OR1I1: variants seen among roughly 807,000 people sequenced by gnomAD.
OR1I1 encodes olfactory receptor family 1 subfamily I member 1.
For synonymous variants in OR1I1, 171 were observed against 181.4 expected, an observed-to-expected ratio of 0.94 and a Z score of 0.46; for missense variants, 451 against 443.6, an observed-to-expected ratio of 1.02 and a Z score of -0.15.
chr19:15,090,617 A>G lies in OR1I1; in HGVS notation c.*2484A>G, dbSNP rs73008840. ...TTTTTTTCTTTTAGAGACAGACAGG[A>G]TCTACTGTGTCACCCAGGCTGGAGT... is the stretch of plus-strand genomic sequence containing the variant. On this transcript the variant is annotated 3_prime_UTR_variant, in exon 2 of 2. Coordinates refer to ENST00000641398, the MANE Select transcript of OR1I1 (RefSeq NM_001004713.2). 0.14 allele frequency: 21,933 copies of G among 152,060 alleles called. 1,974 individuals carry two copies. The highest frequency in any genetic ancestry group is 0.29 in the South Asian group (1,402 of 4,810). The allele number at this position is 152,060 out of a possible 1,614,324, so 9.4% of individuals were successfully genotyped here. A position where few individuals can be genotyped will look rare whatever the true frequency, so the allele number is the denominator to read the frequency against.
intron 1 of OR1I1, among the ~76,000 whole-genome samples, chr19:15,085,682 C>T (rs1302273081): frequency 6.6e-6 from 1 of 152,018 alleles, no homozygotes; most frequent in Non-Finnish European, 1.5e-5. Flanking sequence ...CAATATCTCC[C>T]TAACACCCAC....
At position 15,087,045 on chromosome 19, in the gene OR1I1, C is replaced by T. The variant is rs1199279028; in HGVS notation, c.-13-8C>T. ...TGTGTGGTTTTTCTCCCTTTTTGTT[C>T]CCACTAGTCACAGACCATACATGGA... On this transcript the variant is annotated splice_region_variant and splice_polypyrimidine_tract_variant and intron_variant, in intron 1 of 1. Transcript: ENST00000641398. 2.5e-6 allele frequency: 4 copies of T among 1,578,164 alleles called. No individual in the cohort carries two copies. The highest frequency in any genetic ancestry group is 1.8e-5 in the Admixed American group (1 of 55,062).
At chr19:15,084,514 C>A (rs531538685) in intron 1 of OR1I1, among the ~76,000 whole-genome samples, 1 of 152,030 alleles carries the variant, frequency 6.6e-6, no homozygotes, top group Admixed American at 6.6e-5. Context: ...GCCAAGATCG[C>A]GCCACTGCAC....
intron 1 of OR1I1, among the ~76,000 whole-genome samples, chr19:15,083,178 G>A (rs1599309128): frequency 2.0e-5 from 3 of 151,968 alleles, no homozygotes; most frequent in African/African-American, 7.3e-5. Flanking sequence ...TGGACTCAAG[G>A]GATTCTCCCA....
In OR1I1 at chr19:15,088,802, T is replaced by TAGATAGATAGATAGATAGACAGAC. The variant is rs1555717784; in HGVS notation, c.*688_*689insCAGACAGATAGATAGATAGATAGA. The TAGATAGATAGATAGATAGACAGAC allele has an allele frequency of 2.4e-4, 32 of 132,270 alleles. 1 individual carries two copies. The South Asian group carries it at 4.0e-3, about 16-fold the overall frequency. 8.2% of individuals were successfully genotyped at this position (132,270 alleles called of 1,614,324 possible). A position where few individuals can be genotyped will look rare whatever the true frequency, so the allele number is the denominator to read the frequency against. On this transcript the variant is annotated 3_prime_UTR_variant, in exon 2 of 2. Transcript: ENST00000641398. Reference sequence around the variant, plus strand: ...ATAGATAGATAGATAGATAGATAGATAGATAGATAGATAGATAGATATACA... The same window carrying TAGATAGATAGATAGATAGACAGAC: ...ATAGATAGATAGATAGATAGATAGATAGATAGATAGATAGATAGACAGACAGATAGATAGATAGATAGATATACA...
At chr19:15,083,816 C>G (rs1599309325) in intron 1 of OR1I1, among the ~76,000 whole-genome samples, 1 of 152,054 alleles carries the variant, frequency 6.6e-6, no homozygotes, top group South Asian at 2.1e-4. Context: ...GGCGAAACCC[C>G]GTCTCTACTA....
At position 15,085,155 on chromosome 19, in the gene OR1I1, TATATATATATATA is replaced by T. The variant is rs1244268181; in HGVS notation, c.-13-1897_-13-1885del. 1.2e-3 allele frequency among the ~76,000 whole-genome samples: 53 copies of T among 45,446 alleles called. 2 individuals are homozygous for T. The highest frequency in any genetic ancestry group is 4.5e-3 in the African/African-American group (39 of 8,716). 29.8% of individuals were successfully genotyped at this position (45,446 alleles called of 152,430 possible). A position where few individuals can be genotyped will look rare whatever the true frequency, so the allele number is the denominator to read the frequency against. ...TTATATATATATATATATATATATA[TATATATATATATA>T]TATATATATTTTTTTTTTTGAGACA... On this transcript the variant is annotated intron_variant, in intron 1 of 1. Transcript: ENST00000641398.
chr19:15,086,798 T>C (rs1329191891), intron 1 of OR1I1, among the ~76,000 whole-genome samples: 1 of 152,122 alleles, frequency 6.6e-6, no homozygotes. Flanking sequence ...AAAGTGTTTA[T>C]AGAGAACATC....
rs2046243637 is a variant in OR1I1, at chr19:15,088,794, T to TAGATAGATAGATAGATAGAC, written c.*680_*681insCAGATAGATAGATAGATAGA. On this transcript the variant is annotated 3_prime_UTR_variant, in exon 2 of 2. Transcript: ENST00000641398. ...ATATGTAGATAGATAGATAGATAGA[T>TAGATAGATAGATAGATAGAC]AGATAGATAGATAGATAGATAGATA... 1 of 104,006 alleles carries TAGATAGATAGATAGATAGAC rather than the reference T, an allele frequency of 9.6e-6. No homozygotes were observed. Among genetic ancestry groups the TAGATAGATAGATAGATAGAC allele is most frequent in the African/African-American group, 3.2e-5 (1 of 31,672 alleles). The allele number at this position is 104,006 out of a possible 1,614,324, so 6.4% of individuals were successfully genotyped here.
chr19:15,086,707 C>A (rs1452857153), intron 1 of OR1I1, among the ~76,000 whole-genome samples: 2 of 152,072 alleles, frequency 1.3e-5, no homozygotes, highest in Non-Finnish European at 2.9e-5. Context: ...CTGCCCGCCT[C>A]AGCCTTCCAA....
rs934297671 is a variant in OR1I1, at chr19:15,089,750, C to T, written c.*1617C>T. The stretch of plus-strand genomic sequence containing the variant: ...TACTCGGGAGGCTGAGACAGGAGGA[C>T]CTCTTGAGCCAAGGAGGTCGAGGCT... On this transcript the variant is annotated 3_prime_UTR_variant, in exon 2 of 2. Coordinates refer to ENST00000641398, the MANE Select transcript of OR1I1 (RefSeq NM_001004713.2). 1.3e-5 allele frequency: 2 copies of T among 151,964 alleles called. No individual in the cohort carries two copies. The highest frequency in any genetic ancestry group is 4.8e-5 in the African/African-American group (2 of 41,370). The allele number at this position is 151,964 out of a possible 1,614,324, so 9.4% of individuals were successfully genotyped here.
Position 15,087,641 on chromosome 19 carries a change from G to A in OR1I1, c.576G>A (p.Thr192=), listed in dbSNP as rs147645240. 8.5e-4 allele frequency: 1,379 copies of A among 1,614,136 alleles called. No individual in the cohort carries two copies. The highest frequency in any genetic ancestry group is 1.1e-3 in the Non-Finnish European group (1,295 of 1,180,036). ...MPLLKLSGSD[T]HTNELVIFAF... ...TGCTGAAGCTCTCCGGCTCAGACAC[G>A]CACACCAACGAGCTGGTGATCTTTG... Residue 192 remains threonine (T), a synonymous_variant, in exon 2 of 2, where the codon ACG becomes ACA. Coordinates refer to ENST00000641398, the MANE Select transcript of OR1I1 (RefSeq NM_001004713.2).
At chr19:15,085,174 ATATT>A (rs1307754273) in intron 1 of OR1I1, among the ~76,000 whole-genome samples, 45 of 56,874 alleles carry the variant, frequency 7.9e-4, no homozygotes, top group East Asian at 2.3e-3. Context: ...ATATATATAT[ATATT>A]TTTTTTTTTG....
At chr19:15,086,715 C>CAA (rs1286096132) in intron 1 of OR1I1, among the ~76,000 whole-genome samples, 1 of 152,044 alleles carries the variant, frequency 6.6e-6, no homozygotes, top group Non-Finnish European at 1.5e-5. Context: ...CTCAGCCTTC[C>CAA]AAAGTGCTGG....
In OR1I1 at chr19:15,090,146, C is replaced by T. The variant is rs115908669; in HGVS notation, c.*2013C>T. ...CCAGGAGAGGCGTGGAACAGGCTAT[C>T]CCTCTCAGCCCTCAGAAGGAACCAA... On this transcript the variant is annotated 3_prime_UTR_variant, in exon 2 of 2. Transcript: ENST00000641398. 8.5e-3 allele frequency: 1,292 copies of T among 151,480 alleles called. 7 individuals carry two copies. Among genetic ancestry groups the T allele is most frequent in the Non-Finnish European group, 0.01 (687 of 67,984 alleles). The allele number at this position is 151,480 out of a possible 1,614,324, so 9.4% of individuals were successfully genotyped here.
Position 15,091,589 on chromosome 19 carries a change from G to T in OR1I1, c.*3456G>T, listed in dbSNP as rs924852399. The stretch of plus-strand genomic sequence containing the variant: ...CAGGAGAATGGCCTGAACCCGGGAG[G>T]CGGAGCTTGCAGTGAGCCAAGGCCA... On this transcript the variant is annotated 3_prime_UTR_variant, in exon 2 of 2. Transcript: ENST00000641398. The T allele has an allele frequency of 2.0e-5, 3 of 152,206 alleles. No individual in the cohort carries two copies. The highest frequency in any genetic ancestry group is 7.2e-5 in the African/African-American group (3 of 41,408). The allele number at this position is 152,206 out of a possible 1,614,324, so 9.4% of individuals were successfully genotyped here. A position where few individuals can be genotyped will look rare whatever the true frequency, so the allele number is the denominator to read the frequency against.
chr19:15,089,966 C>T lies in OR1I1; in HGVS notation c.*1833C>T, dbSNP rs560859655. The T allele has an allele frequency of 1.3e-5, 2 of 152,176 alleles. No individual in the cohort carries two copies. The highest frequency in any genetic ancestry group is 3.9e-4 in the East Asian group (2 of 5,172). The allele number at this position is 152,176 out of a possible 1,614,324, so 9.4% of individuals were successfully genotyped here. On this transcript the variant is annotated 3_prime_UTR_variant, in exon 2 of 2. Transcript: ENST00000641398. ...TTACAGTAAGGTCATTAGGTTGGTC[C>T]CTAATCTGATACGACTGGCGTCCTT...
At position 15,092,134 on chromosome 19, in the gene OR1I1, T is replaced by TTTTTTTTTTTTTTTTTTTTC. The variant is rs1555718125; in HGVS notation, c.*4001_*4002insTTTTTTTTTTTTTTTTTTTC. ...TTGGTTTTTGGTTGTTTTTTTTTTT[T>TTTTTTTTTTTTTTTTTTTTC]CCCCGGAAACTTGTATTCTAGCTGT... On this transcript the variant is annotated 3_prime_UTR_variant, in exon 2 of 2. Transcript: ENST00000641398. 2 of 126,022 alleles carry TTTTTTTTTTTTTTTTTTTTC rather than the reference T, an allele frequency of 1.6e-5. 1 individual carries two copies. The highest frequency in any genetic ancestry group is 3.2e-5 in the Non-Finnish European group (2 of 62,326). The allele number at this position is 126,022 out of a possible 1,614,324, so 7.8% of individuals were successfully genotyped here. A position where few individuals can be genotyped will look rare whatever the true frequency, so the allele number is the denominator to read the frequency against.
intron 1 of OR1I1, among the ~76,000 whole-genome samples, chr19:15,086,184 C>T (rs558560640): frequency 2.6e-5 from 4 of 152,016 alleles, no homozygotes; most frequent in Admixed American, 1.3e-4. Flanking sequence ...CATGGTGGTG[C>T]GTGCCTGTAA....
Sources: gnomAD v4.1 joint callset for allele counts (sites outside exome capture counted in the v4.1 genomes callset) on GRCh38, gnomAD v4.1.1 for gene constraint, MANE v1.5 for transcripts, NCBI Gene and HGNC (gene_info 2026-07-23, HGNC 2026-07-21) for gene names.